SYNE1: variants seen among roughly 807,000 people sequenced by gnomAD.
SYNE1 encodes the protein spectrin repeat containing nuclear envelope protein 1, also known as nesprin-1.
A neutral mutation model predicts 1,111.0 loss-of-function variants in SYNE1; 616 were observed. That is an observed-to-expected ratio of 0.55 (90% confidence interval 0.52 to 0.59). The LOEUF is 0.59. Ranked by LOEUF, SYNE1 falls within the 20% of genes least tolerant of loss-of-function variation. The pLI is 0.00. For missense variants in SYNE1, 10,006 were observed against 10,417.0 expected (o/e 0.96, Z 1.72); for synonymous variants, 3,855 against 3,825.8 (o/e 1.01, Z -0.28).
At position 152,283,992 on chromosome 6, in the gene SYNE1, G is replaced by A. The variant is rs200209279; in HGVS notation, c.18193C>T (p.Arg6065Trp). The change falls in exon 96 of 146, where the codon CGG becomes TGG. Residue 6065 changes from arginine (R) to tryptophan (W), a missense_variant. This residue lies in a region of SYNE1 where 99 missense variants were observed against 147.8 expected (regional missense o/e 0.67). Transcript: ENST00000367255. Reference protein sequence around the residue: ...STIRMKASGKRQLLEEKLNDQ... With the variant: ...STIRMKASGKWQLLEEKLNDQ... ...TTATTGGTTACCTCCAAAAGCTGCCGTTTCCCCGAGGCTTTCATCCTGATG... is the reference window on the plus strand; with the variant it reads ...TTATTGGTTACCTCCAAAAGCTGCCATTTCCCCGAGGCTTTCATCCTGATG... The A allele has an allele frequency of 3.7e-5, 60 of 1,614,056 alleles. No homozygotes were observed. Among genetic ancestry groups the A allele is most frequent in the Middle Eastern group, 3.3e-4 (2 of 6,078 alleles).
chr6:152,278,359 C>A, intron 97 of SYNE1, 79 bp from the exon 98 acceptor site: 1 of 1,523,526 alleles, frequency 6.6e-7, no homozygotes, highest in Non-Finnish European at 9.1e-7. Flanking sequence ...TGAAATACAG[C>A]CCTTTGGAGT....
intron 11 of SYNE1, among the ~76,000 whole-genome samples, chr6:152,495,784 A>T (rs367712473): frequency 2.0e-5 from 3 of 152,342 alleles, no homozygotes; most frequent in East Asian, 3.9e-4. Context: ...AGGACGCAGC[A>T]GCAGGGGCCA....
intron 3 of SYNE1, among the ~76,000 whole-genome samples, chr6:152,550,822 G>T (rs1416485764): frequency 2.0e-5 from 3 of 152,032 alleles, no homozygotes; most frequent in Admixed American, 2.0e-4. Flanking sequence ...ACCGTATCAC[G>T]TTTCTAAAAT....
chr6:152,472,512 A>G, intron 14 of SYNE1, 99 bp from the exon 15 acceptor site: 1 of 1,110,680 alleles, frequency 9.0e-7, no homozygotes, highest in South Asian at 1.3e-5. Flanking sequence ...CAATGTATTC[A>G]ACAATTTGAT....
At chr6:152,547,601 G>A (rs1209642571) in intron 3 of SYNE1, among the ~76,000 whole-genome samples, 1 of 151,708 alleles carries the variant, frequency 6.6e-6, no homozygotes, top group Non-Finnish European at 1.5e-5. Flanking sequence ...AGGATATGAT[G>A]GACTGAAAAA....
Position 152,318,888 on chromosome 6 carries a change from A to G in SYNE1, c.16364T>C (p.Val5455Ala), listed in dbSNP as rs775474533. 5 of 1,614,180 alleles carry G rather than the reference A, an allele frequency of 3.1e-6. No homozygotes were observed. Among genetic ancestry groups the G allele is most frequent in the Non-Finnish European group, 3.4e-6 (4 of 1,180,026 alleles). Residue 5455 changes from valine (V) to alanine (A), a missense_variant, in exon 85 of 146, where the codon GTA becomes GCA. Physicochemically the swap from Val to Ala is moderately conservative, Grantham distance 64. This residue lies in a region of SYNE1 where 4,955 missense variants were observed against 5,017.2 expected (regional missense o/e 0.99). Coordinates refer to ENST00000367255, the MANE Select transcript of SYNE1 (RefSeq NM_182961.4). ...LTKLKAKTDNVVQAKTDQKVL... is the reference protein window; with the variant it reads ...LTKLKAKTDNAVQAKTDQKVL... ...CTTTTGGTCAGTTTTAGCTTGAACTACATTATCTGTCTTCGCTTTCAGCTT... is the reference window on the plus strand; with the variant it reads ...CTTTTGGTCAGTTTTAGCTTGAACTGCATTATCTGTCTTCGCTTTCAGCTT...
chr6:152,173,314 A>G (rs2065654086), intron 130 of SYNE1, among the ~76,000 whole-genome samples: 1 of 152,186 alleles, frequency 6.6e-6, no homozygotes, highest in Non-Finnish European at 1.5e-5. Flanking sequence ...AATATTAAAG[A>G]CACAGTTCAT....
intron 3 of SYNE1, among the ~76,000 whole-genome samples, chr6:152,603,602 T>C (rs1254546936): frequency 6.6e-6 from 1 of 151,958 alleles, no homozygotes. Context: ...AGAAAATGGT[T>C]GGAGACTTTA....
chr6:152,484,038 C>CAAAAAAAAAAAAAAAAAAAA (rs773019397), intron 13 of SYNE1, among the ~76,000 whole-genome samples: 8 of 53,506 alleles, frequency 1.5e-4, no homozygotes, highest in Non-Finnish European at 2.4e-4. Flanking sequence ...CTCATCTCTA[C>CAAAAAAAAAAAAAAAAAAAA]AAAAAAAAAA....
At position 152,152,090 on chromosome 6, in the gene SYNE1, T is replaced by C; in HGVS notation, c.24181A>G (p.Lys8061Glu). ...ECLTQLELIN[K>E]QYRRLARENR... ...TCCCTGGCCAGGCGGCGGTACTGCT[T>C]GTTGATCAGTTCCAGCTGCGTCAGG... Residue 8061 changes from lysine to glutamate, a missense_variant, in exon 134 of 146, where the codon AAG (lysine) becomes GAG (glutamate). This residue lies in a region of SYNE1 where 2,182 missense variants were observed against 2,287.8 expected (regional missense o/e 0.95). Coordinates refer to ENST00000367255, the MANE Select transcript of SYNE1 (RefSeq NM_182961.4). 1 of 1,614,168 alleles carries C rather than the reference T, an allele frequency of 6.2e-7. No homozygotes were observed. The highest frequency in any genetic ancestry group is 1.1e-5 in the South Asian group (1 of 91,074).
At chr6:152,443,491 G>C (rs750964874) in intron 30 of SYNE1, among the ~76,000 whole-genome samples, 27 of 152,066 alleles carry the variant, frequency 1.8e-4, no homozygotes, top group Non-Finnish European at 2.9e-4. Flanking sequence ...GTCTCGATCT[G>C]CTGACCTCGT....
intron 12 of SYNE1, among the ~76,000 whole-genome samples, chr6:152,486,852 A>AG (rs2098943532): frequency 6.6e-6 from 1 of 152,210 alleles, no homozygotes; most frequent in Non-Finnish European, 1.5e-5. Context: ...TCTTTTGTCT[A>AG]CCATGTTGAA....
intron 100 of SYNE1, among the ~76,000 whole-genome samples, chr6:152,263,710 T>C (rs2092360206): frequency 6.6e-6 from 1 of 152,104 alleles, no homozygotes. Flanking sequence ...GTTTAACTTT[T>C]AGAGTGAGAC....
intron 130 of SYNE1, among the ~76,000 whole-genome samples, chr6:152,164,699 T>C (rs2063257789): frequency 6.6e-6 from 1 of 152,188 alleles, no homozygotes; most frequent in African/African-American, 2.4e-5. Context: ...GAGCCTGACA[T>C]GGCTGAGTGT....
intron 16 of SYNE1, among the ~76,000 whole-genome samples, chr6:152,468,859 G>A (rs1053012248): frequency 6.6e-6 from 1 of 152,026 alleles, no homozygotes; most frequent in African/African-American, 2.4e-5. Flanking sequence ...CACTGCAGCC[G>A]TGAACTCCAG....
In SYNE1 at chr6:152,221,573, A is replaced by T; in HGVS notation, c.21523-14T>A. The T allele has an allele frequency of 6.2e-7, 1 of 1,613,660 alleles. No homozygotes were observed. The highest frequency in any genetic ancestry group is 8.5e-7 in the Non-Finnish European group (1 of 1,179,890). ...ATCTTGGAGATTCTGCCCCAAAAAA[A>T]AGACCCATAGATGACATAACAGGAT... is the stretch of plus-strand genomic sequence containing the variant. On this transcript the variant is annotated splice_polypyrimidine_tract_variant and intron_variant, in intron 117 of 145. Coordinates refer to ENST00000367255, the MANE Select transcript of SYNE1 (RefSeq NM_182961.4).
chr6:152,554,882 C>A (rs1450633593), intron 3 of SYNE1, among the ~76,000 whole-genome samples: 1 of 152,222 alleles, frequency 6.6e-6, no homozygotes, highest in East Asian at 1.9e-4. Flanking sequence ...CTTCATCCTG[C>A]AACCTTCCAA....
intron 89 of SYNE1, 23 bp from the exon 90 acceptor site, chr6:152,310,040 CA>C: frequency 6.2e-7 from 1 of 1,605,300 alleles, no homozygotes; most frequent in Non-Finnish European, 8.5e-7. Flanking sequence ...TTTCATAGTT[CA>C]AAAATTTAAT....
intron 3 of SYNE1, among the ~76,000 whole-genome samples, chr6:152,625,230 G>T (rs189693609): frequency 2.0e-5 from 3 of 152,120 alleles, no homozygotes; most frequent in Non-Finnish European, 4.4e-5. Flanking sequence ...AGGTAAGCAG[G>T]GTTACTAAAT....
Sources: gnomAD v4.1 joint callset for allele counts (sites outside exome capture counted in the v4.1 genomes callset) on GRCh38, gnomAD v4.1.1 for gene constraint, gnomAD v4.1.1 regional missense constraint, MANE v1.5 for transcripts, NCBI Gene and HGNC (gene_info 2026-07-23, HGNC 2026-07-21) for gene names.